The following APBB1IP variants were observed in gnomAD, a reference collection of about 807,000 sequenced individuals.
APBB1IP encodes amyloid beta precursor protein binding family B member 1 interacting protein.
Under a neutral mutation model 64.9 loss-of-function variants are expected in APBB1IP, and 27 were observed. The ratio of observed to expected loss-of-function variants is 0.42; its 90% CI spans 0.31 to 0.57. The LOEUF (loss-of-function observed/expected upper bound fraction) is 0.57, where lower values mean the gene tolerates loss of function less well. Among genes scored for constraint, APBB1IP ranks in the 20% least tolerant of loss-of-function variants. The pLI, the probability that APBB1IP is intolerant of heterozygous loss-of-function variation, is 0.20. For synonymous variants in APBB1IP, 392 were observed against 331.0 expected (o/e 1.18, Z -2.00); for missense variants, 812 against 845.5 (o/e 0.96, Z 0.49).
intron 2 of APBB1IP, among the ~76,000 whole-genome samples, chr10:26,480,090 G>A (rs903687479): frequency 6.6e-6 from 1 of 152,192 alleles, no homozygotes; most frequent in Non-Finnish European, 1.5e-5. Context: ...AGGTAGCCAG[G>A]AAGCTTGGAT....
In APBB1IP at chr10:26,560,987, C is replaced by T. The variant is rs545204771; in HGVS notation, c.1369+143C>T. Reference sequence around the variant, plus strand: ...ACCTGATGATCAGGCTCAAACTCCCCGACTCAGCCCAGCCCTCACACACAC... The same window carrying T: ...ACCTGATGATCAGGCTCAAACTCCCTGACTCAGCCCAGCCCTCACACACAC... On this transcript the variant is annotated intron_variant, in intron 13 of 14. Transcript: ENST00000376236. 319 of 465,150 alleles carry T rather than the reference C, an allele frequency of 6.9e-4. 1 individual carries two copies. The highest frequency in any genetic ancestry group is 9.6e-4 in the Non-Finnish European group (260 of 272,234). 28.8% of individuals were successfully genotyped at this position (465,150 alleles called of 1,614,324 possible). A position where few individuals can be genotyped will look rare whatever the true frequency, so the allele number is the denominator to read the frequency against.
chr10:26,466,047 A>G (rs947721), intron 2 of APBB1IP, among the ~76,000 whole-genome samples: 56,020 of 151,952 alleles, frequency 0.37, 10,389 homozygotes, highest in South Asian at 0.5. Context: ...CTGTGACCTC[A>G]GCTGGGAAGA....
At chr10:26,519,141 GGGGGT>G (rs1248485319) in intron 8 of APBB1IP, among the ~76,000 whole-genome samples, 15 of 151,864 alleles carry the variant, frequency 9.9e-5, no homozygotes, top group Non-Finnish European at 1.9e-4. Context: ...CAGACATGGT[GGGGGT>G]GGGGTGGGGT....
At chr10:26,453,969 C>T (rs1279343239) in intron 2 of APBB1IP, among the ~76,000 whole-genome samples, 1 of 152,182 alleles carries the variant, frequency 6.6e-6, no homozygotes, top group Non-Finnish European at 1.5e-5. Context: ...CAAATTCCAT[C>T]AACAGGTGAA....
chr10:26,446,457 C>T (rs934357884), intron 2 of APBB1IP, among the ~76,000 whole-genome samples: 1 of 152,100 alleles, frequency 6.6e-6, no homozygotes, highest in Non-Finnish European at 1.5e-5. Flanking sequence ...CCATGAATGT[C>T]GGTAAGTGCT....
rs748185388 is a variant in APBB1IP at position 26,567,021 on chromosome 10, C to G, written c.1534C>G (p.Pro512Ala). Residue 512 changes from proline to alanine, a missense_variant, in exon 15 of 15, where the codon CCC becomes GCC. Physicochemically the swap from Pro to Ala is conservative, Grantham distance 27. Transcript: ENST00000376236. ...GGCAGTGCCCCGGGCCCCGCACGCCCCCAAGTCCAGCCTGCCCCCGCCCCC... is the reference window on the plus strand; with the variant it reads ...GGCAGTGCCCCGGGCCCCGCACGCCGCCAAGTCCAGCCTGCCCCCGCCCCC... The part of the protein sequence containing the change: ...DPAVPRAPHA[P>A]KSSLPPPPPV... The G allele has an allele frequency of 1.1e-5, 18 of 1,566,692 alleles. No homozygotes were observed. In the African/African-American group the frequency reaches 2.5e-4, roughly 22 times the overall value.
chr10:26,543,316 C>T (rs527547938), intron 11 of APBB1IP, among the ~76,000 whole-genome samples: 1 of 151,920 alleles, frequency 6.6e-6, no homozygotes, highest in Non-Finnish European at 1.5e-5. Context: ...AAAATACAAA[C>T]AGTAGCTGGG....
chr10:26,565,382 G>A (rs756825861), intron 14 of APBB1IP, among the ~76,000 whole-genome samples: 12 of 152,188 alleles, frequency 7.9e-5, no homozygotes, highest in Admixed American at 1.3e-4. Flanking sequence ...GAACCAAGGA[G>A]TGAAGTCATT....
chr10:26,468,619 A>G (rs890534721), intron 2 of APBB1IP, among the ~76,000 whole-genome samples: 6 of 151,232 alleles, frequency 4.0e-5, no homozygotes, highest in Non-Finnish European at 5.9e-5. Flanking sequence ...GTTGGTGCAA[A>G]AGTAATTGCG....
At chr10:26,529,023 A>G (rs1836514856) in intron 8 of APBB1IP, among the ~76,000 whole-genome samples, 1 of 152,120 alleles carries the variant, frequency 6.6e-6, no homozygotes, top group Non-Finnish European at 1.5e-5. Flanking sequence ...TGCTTGATTT[A>G]CTCTTTATTC....
At chr10:26,513,793 C>CGT in intron 8 of APBB1IP, 133 bp downstream of exon 8, 1 of 1,124,008 alleles carries the variant, frequency 8.9e-7, no homozygotes, top group Non-Finnish European at 1.2e-6. Context: ...AGTGCAGTGG[C>CGT]GTGATCTTGG....
intron 11 of APBB1IP, among the ~76,000 whole-genome samples, chr10:26,553,652 T>C (rs1019671632): frequency 2.0e-5 from 3 of 152,144 alleles, no homozygotes; most frequent in Non-Finnish European, 4.4e-5. Flanking sequence ...AGGCAGACCC[T>C]TTCTCTACGA....
intron 8 of APBB1IP, among the ~76,000 whole-genome samples, chr10:26,520,308 A>C (rs1173501003): frequency 6.6e-6 from 1 of 151,976 alleles, no homozygotes; most frequent in Non-Finnish European, 1.5e-5. Flanking sequence ...TTTCCTTATA[A>C]ATTACCCACT....
At chr10:26,501,512 A>C (rs1260317554) in intron 5 of APBB1IP, 3 of 277,232 alleles carry the variant, frequency 1.1e-5, no homozygotes, top group Non-Finnish European at 2.1e-5. Flanking sequence ...GAGTAGAGTG[A>C]AATTGAATTT....
In APBB1IP at chr10:26,459,035, C is replaced by A. The variant is rs190317258; in HGVS notation, c.-1+20182C>A. On this transcript the variant is annotated intron_variant, in intron 2 of 14. Coordinates refer to ENST00000376236, the MANE Select transcript of APBB1IP (RefSeq NM_019043.4). ...ACATGTGCCATGCTGGTGTGCTGCA[C>A]CCATTAACTTGTCATTTAGCATTAG... Among the ~76,000 whole-genome samples, 3 of 151,058 alleles carry A rather than the reference C, an allele frequency of 2.0e-5. No individual in the cohort carries two copies. In the East Asian group the frequency reaches 5.9e-4, roughly 30 times the overall value.
intron 8 of APBB1IP, among the ~76,000 whole-genome samples, chr10:26,531,887 A>C (rs1452292670): frequency 1.3e-5 from 2 of 152,172 alleles, no homozygotes; most frequent in African/African-American, 4.8e-5. Flanking sequence ...TCAAGGCTGC[A>C]GTGAGCTATG....
intron 7 of APBB1IP, among the ~76,000 whole-genome samples, chr10:26,512,181 A>G (rs1836270015): frequency 6.6e-6 from 1 of 151,982 alleles, no homozygotes; most frequent in South Asian, 2.1e-4. Context: ...CCCTTATATG[A>G]GATTTAGTGC....
chr10:26,438,386 T>G lies in APBB1IP; in HGVS notation c.-272T>G, dbSNP rs1034379126. 2.0e-5 allele frequency: 3 copies of G among 152,110 alleles called. No homozygotes were observed. The highest frequency in any genetic ancestry group is 7.2e-5 in the African/African-American group (3 of 41,388). The allele number at this position is 152,110 out of a possible 1,614,324, so 9.4% of individuals were successfully genotyped here. On this transcript the variant is annotated 5_prime_UTR_variant, in exon 1 of 15. Transcript: ENST00000376236. ...CTAGGCCCCAATCCCTTAGTCCCTC[T>G]TGCGTCGAGGCTGCAAAATGGTTCC...
rs1554776713 is a variant in APBB1IP, at chr10:26,510,734, TCACACA to T, written c.532-976_532-971del. On this transcript the variant is annotated intron_variant, in intron 6 of 14. Transcript: ENST00000376236. ...CTAGGCAACAGAGCAAGACCCTGTC[TCACACA>T]CACACACACACACACACACACACAC... Among the ~76,000 whole-genome samples, 103 of 135,980 alleles carry T rather than the reference TCACACA, an allele frequency of 7.6e-4. 1 individual carries two copies. Among genetic ancestry groups the T allele is most frequent in the South Asian group, 9.9e-4 (4 of 4,026 alleles). 89.2% of individuals were successfully genotyped at this position (135,980 alleles called of 152,430 possible). A position where few individuals can be genotyped will look rare whatever the true frequency, so the allele number is the denominator to read the frequency against.
Sources: allele counts gnomAD v4.1 joint callset (sites outside exome capture counted in the v4.1 genomes callset), GRCh38; gene constraint gnomAD v4.1.1; transcripts MANE v1.5; gene names NCBI Gene and HGNC (gene_info 2026-07-23, HGNC 2026-07-21).